Variants in ABCC2 observed in about 807,000 individuals in gnomAD.
The protein encoded by ABCC2 is ATP binding cassette subfamily C member 2.
Under a neutral mutation model 173.4 loss-of-function variants are expected in ABCC2, and 157 were observed. That is an observed-to-expected ratio of 0.91 (90% CI 0.80 to 1.03). The LOEUF is 1.03. Ranked by LOEUF, ABCC2 falls within the 50% of genes least tolerant of loss-of-function variation. The pLI is 0.00. For missense variants in ABCC2, 1,822 were observed against 1,852.3 expected (o/e 0.98, Z 0.30); for synonymous variants, 657 against 693.5 (o/e 0.95, Z 0.83).
rs149688690 is a variant in ABCC2, at chr10:99,793,980, A to G, written c.557A>G (p.Glu186Gly). The G allele has an allele frequency of 1.3e-5, 21 of 1,610,284 alleles. No individual in the cohort carries two copies. In the African/African-American group the frequency reaches 2.8e-4, roughly 21 times the overall value. The change falls in exon 5 of 32, where the codon GAA becomes GGA. Residue 186 changes from glutamate (E) to glycine (G), a missense_variant. Coordinates refer to ENST00000647814, the MANE Select transcript of ABCC2 (RefSeq NM_000392.5). ...ILILIFSAFS[E>G]NNESSNNPSS... ...ATCCTGATCTTTTCAGCATTTTCAG[A>G]AAATAATGAGTCATCAAATGTGAGA...
At chr10:99,807,545 G>C (rs756173121) in intron 12 of ABCC2, 24 bp downstream of exon 12, 1 of 1,613,920 alleles carries the variant, frequency 6.2e-7, no homozygotes, top group East Asian at 2.2e-5. Flanking sequence ...GGGTCCATGG[G>C]CTGCGTATTC....
chr10:99,830,545 C>A, intron 20 of ABCC2, 112 bp downstream of exon 20: 1 of 1,569,340 alleles, frequency 6.4e-7, no homozygotes, highest in Non-Finnish European at 8.7e-7. Flanking sequence ...ACACTCCAAG[C>A]TCTTCCTTTG....
intron 19 of ABCC2, among the ~76,000 whole-genome samples, chr10:99,825,701 G>A (rs1401248365): frequency 2.0e-5 from 3 of 152,264 alleles, no homozygotes; most frequent in Non-Finnish European, 2.9e-5. Context: ...ATTTAGACTT[G>A]ATCTTCCCAA....
intron 16 of ABCC2, among the ~76,000 whole-genome samples, chr10:99,816,231 G>A (rs1038824263): frequency 5.9e-5 from 9 of 152,228 alleles, no homozygotes; most frequent in South Asian, 4.2e-4. Flanking sequence ...CTCCCAGTGT[G>A]CTGGAATTAC....
chr10:99,834,440 C>G lies in ABCC2; in HGVS notation c.3319C>G (p.Leu1107Val). The G allele has an allele frequency of 1.2e-6, 2 of 1,614,172 alleles. No homozygotes were observed. Among genetic ancestry groups the G allele is most frequent in the Middle Eastern group, 3.3e-4 (2 of 6,062 alleles). The stretch of plus-strand genomic sequence containing the variant: ...CTTGCGCAGCTGGATTACATGCTTC[C>G]TGGGGATAATCAGCACCCTTGTCAT... Reference protein sequence around the residue: ...QSLRSWITCFLGIISTLVMIC... With the variant: ...QSLRSWITCFVGIISTLVMIC... The change falls in exon 24 of 32, where the codon CTG (leucine) becomes GTG (valine). Residue 1107 changes from leucine to valine, a missense_variant. By Grantham distance (32) the Leu-to-Val change is conservative (BLOSUM62 1). Coordinates refer to ENST00000647814, the MANE Select transcript of ABCC2 (RefSeq NM_000392.5).
intron 28 of ABCC2, 43 bp from the exon 29 acceptor site, chr10:99,845,581 G>T: frequency 1.2e-6 from 2 of 1,611,866 alleles, no homozygotes; most frequent in South Asian, 1.1e-5. Flanking sequence ...TTTTCCCCAA[G>T]AATTATTTGT....
intron 24 of ABCC2, among the ~76,000 whole-genome samples, chr10:99,835,257 C>T (rs955517026): frequency 5.3e-5 from 8 of 152,260 alleles, no homozygotes; most frequent in African/African-American, 1.4e-4. Flanking sequence ...CTGCGATTGG[C>T]GGCTCGCCCC....
chr10:99,822,553 T>C (rs1370459762), intron 19 of ABCC2, among the ~76,000 whole-genome samples: 1 of 151,694 alleles, frequency 6.6e-6, no homozygotes, highest in African/African-American at 2.4e-5. Flanking sequence ...AAGCAAAACC[T>C]CTCCCCCACG....
At chr10:99,806,077 C>CTCTCTGTG (rs10644836) in intron 11 of ABCC2, among the ~76,000 whole-genome samples, 5 of 148,044 alleles carry the variant, frequency 3.4e-5, no homozygotes, top group South Asian at 2.2e-4. Context: ...CTCTCTCTGT[C>CTCTCTGTG]TGTGTGTGTG....
At chr10:99,814,602 C>CATGTGTATATACACATATACACACAT (rs2038345042) in intron 16 of ABCC2, among the ~76,000 whole-genome samples, 1 of 83,420 alleles carries the variant, frequency 1.2e-5, no homozygotes, top group Non-Finnish European at 2.4e-5. Context: ...TATACACACA[C>CATGTGTATATACACATATACACACAT]ATATGTGTAT....
At chr10:99,794,726 G>T (rs2037869141) in intron 6 of ABCC2, 1 of 414,354 alleles carries the variant, frequency 2.4e-6, no homozygotes, top group African/African-American at 2.0e-5. Flanking sequence ...TGTATTTTTA[G>T]TAGAGACGGG....
intron 16 of ABCC2, among the ~76,000 whole-genome samples, chr10:99,813,709 C>CA (rs60992748): frequency 0.014 from 1,956 of 135,312 alleles, 43 homozygotes; most frequent in African/African-American, 0.045. Flanking sequence ...GACTCTGTCT[C>CA]AAAAAAAAAA....
intron 31 of ABCC2, 81 bp from the exon 32 acceptor site, chr10:99,851,421 C>A: frequency 6.4e-7 from 1 of 1,551,372 alleles, no homozygotes. Context: ...TATACCACAA[C>A]TTAGTCCTGG....
At chr10:99,814,230 TGTGTATATATGC>T in intron 16 of ABCC2, among the ~76,000 whole-genome samples, 1 of 26,084 alleles carries the variant, frequency 3.8e-5, no homozygotes, top group African/African-American at 1.6e-4. Flanking sequence ...TATACACACA[TGTGTATATATGC>T]ACACACGTAT....
At chr10:99,788,413 C>G (rs986561123) in intron 2 of ABCC2, among the ~76,000 whole-genome samples, 6 of 152,074 alleles carry the variant, frequency 3.9e-5, no homozygotes, top group Admixed American at 2.6e-4. Context: ...ATATCCCACC[C>G]CCAAATAGAC....
intron 1 of ABCC2, 33 bp from the exon 2 acceptor site, chr10:99,784,575 T>G: frequency 1.2e-6 from 2 of 1,612,250 alleles, no homozygotes; most frequent in Admixed American, 1.7e-5. Flanking sequence ...TCACAATGCA[T>G]GTATGCAACA....
chr10:99,799,112 G>A, intron 7 of ABCC2, 95 bp from the exon 8 acceptor site: 1 of 1,411,792 alleles, frequency 7.1e-7, no homozygotes, highest in Non-Finnish European at 9.9e-7. Context: ...CCTGTACAGA[G>A]AAGGCCACGG....
At position 99,818,879 on chromosome 10, in the gene ABCC2, CCT is replaced by C. The variant is rs772673105; in HGVS notation, c.2362_2363del (p.Leu788ValfsTer13). ...NLDIYLLDDPLSAVDAHVGKH... is the reference protein window; with the variant it reads ...NLDIYLLDDPXSAVDAHVGKH... ...TAGACATCTATCTTCTAGATGACCC[CCT>C]GTCTGCAGTGGATGCTCATGTAGGA... On this transcript the variant is annotated frameshift_variant, in exon 18 of 32. Coordinates refer to ENST00000647814, the MANE Select transcript of ABCC2 (RefSeq NM_000392.5). LOFTEE classifies it high-confidence loss of function. 2.1e-5 allele frequency: 34 copies of C among 1,614,162 alleles called. No individual in the cohort carries two copies. In the South Asian group the frequency reaches 2.6e-4, roughly 13 times the overall value.
intron 15 of ABCC2, 61 bp downstream of exon 15, chr10:99,811,663 A>C: frequency 1.3e-6 from 2 of 1,571,612 alleles, no homozygotes; most frequent in Non-Finnish European, 1.8e-6. Flanking sequence ...GCCTATTCTC[A>C]GAAAATTCCA....
Sources: allele counts gnomAD v4.1 joint callset (sites outside exome capture counted in the v4.1 genomes callset), GRCh38; gene constraint gnomAD v4.1.1; transcripts MANE v1.5; gene names NCBI Gene and HGNC (gene_info 2026-07-23, HGNC 2026-07-21).